Variants in ARHGAP28 observed in about 807,000 individuals in gnomAD.
ARHGAP28 encodes rho GTPase-activating protein 28.
Under a neutral mutation model 90.7 loss-of-function variants are expected in ARHGAP28, and 56 were observed. The observed-to-expected ratio is 0.62, with a 90% CI of 0.50 to 0.77. ARHGAP28 has a LOEUF of 0.77. Among genes scored for constraint, ARHGAP28 ranks in the 30% least tolerant of loss-of-function variants. The pLI is 0.00. For synonymous variants in ARHGAP28, 308 were observed against 323.3 expected (o/e 0.95, Z 0.51); for missense variants, 869 against 900.9 (o/e 0.96, Z 0.45).
At chr18:6,864,895 G>A (rs1298739487) in intron 5 of ARHGAP28, among the ~76,000 whole-genome samples, 1 of 151,954 alleles carries the variant, frequency 6.6e-6, no homozygotes, top group Non-Finnish European at 1.5e-5. Flanking sequence ...ATATTGCCCA[G>A]GCAGAACTTT....
chr18:6,888,198 TTC>T (rs1294747824), intron 12 of ARHGAP28, among the ~76,000 whole-genome samples: 1 of 152,236 alleles, frequency 6.6e-6, no homozygotes, highest in Non-Finnish European at 1.5e-5. Flanking sequence ...TCCCCAATTT[TTC>T]TCTCTTTATT....
rs374482561 is a variant in ARHGAP28, at chr18:6,730,219, G to GTATATATA, written c.122+277_122+278insATATATAT. The GTATATATA allele has an allele frequency of 1.9e-3, 301 of 158,782 alleles. 20 individuals are homozygous for GTATATATA. Among genetic ancestry groups the GTATATATA allele is most frequent in the African/African-American group, 8.5e-3 (261 of 30,848 alleles). 9.8% of individuals were successfully genotyped at this position (158,782 alleles called of 1,614,324 possible). ...TTGATACGATTTGAGGATAAGTCATGTGTATATATATATATATACCTCATT... is the reference window on the plus strand; with the variant it reads ...TTGATACGATTTGAGGATAAGTCATGTATATATATGTATATATATATATATACCTCATT... On this transcript the variant is annotated intron_variant, in intron 1 of 17. Coordinates refer to ENST00000383472, the MANE Select transcript of ARHGAP28 (RefSeq NM_001366230.1).
intron 16 of ARHGAP28, among the ~76,000 whole-genome samples, chr18:6,899,548 G>T (rs145190797): frequency 1.3e-3 from 192 of 152,126 alleles, no homozygotes; most frequent in African/African-American, 4.5e-3. Context: ...GAAAAAACAC[G>T]CCACCACCCC....
At position 6,870,797 on chromosome 18, in the gene ARHGAP28, T is replaced by G. The variant is rs544811116; in HGVS notation, c.954+65T>G. The G allele has an allele frequency of 3.6e-5, 54 of 1,505,410 alleles. 1 individual carries two copies. The African/African-American group carries it at 6.5e-4, about 18-fold the overall frequency. 93.3% of individuals were successfully genotyped at this position (1,505,410 alleles called of 1,614,324 possible). On this transcript the variant is annotated intron_variant, in intron 7 of 17. Transcript: ENST00000383472. ...TGACTTCATAGGACAAAACTAAGAT[T>G]TCTTTTTCTTTTTTTTTTTTGAGAC...
At chr18:6,894,468 G>A (rs1284258433) in intron 14 of ARHGAP28, among the ~76,000 whole-genome samples, 1 of 152,144 alleles carries the variant, frequency 6.6e-6, no homozygotes, top group Non-Finnish European at 1.5e-5. Context: ...ACAAATCATG[G>A]GGATTATTTT....
At chr18:6,900,147 G>A (rs896725003) in intron 16 of ARHGAP28, among the ~76,000 whole-genome samples, 1 of 152,102 alleles carries the variant, frequency 6.6e-6, no homozygotes, top group African/African-American at 2.4e-5. Flanking sequence ...GCAAGAAGCT[G>A]AACATACTTG....
chr18:6,790,166 C>A (rs2143549193), intron 1 of ARHGAP28: 1 of 152,202 alleles, frequency 6.6e-6, no homozygotes, highest in Non-Finnish European at 1.5e-5. Context: ...TGGTTGTTCC[C>A]AAATTTTCAT....
At chr18:6,788,166 C>A (rs544398937) in intron 1 of ARHGAP28, among the ~76,000 whole-genome samples, 96 of 152,172 alleles carry the variant, frequency 6.3e-4, no homozygotes, top group African/African-American at 1.9e-3. Context: ...AGTTTAGCAC[C>A]ACCTACCCTT....
At chr18:6,780,242 G>A (rs1187133050) in intron 1 of ARHGAP28, among the ~76,000 whole-genome samples, 1 of 152,116 alleles carries the variant, frequency 6.6e-6, no homozygotes, top group African/African-American at 2.4e-5. Flanking sequence ...TCAGCCCTTG[G>A]TATCTACAGG....
At chr18:6,853,562 TC>T (rs2143291772) in intron 4 of ARHGAP28, among the ~76,000 whole-genome samples, 1 of 151,884 alleles carries the variant, frequency 6.6e-6, no homozygotes, top group East Asian at 1.9e-4. Flanking sequence ...AACCTCCGCC[TC>T]CTGAGTTCAA....
intron 3 of ARHGAP28, 99 bp downstream of exon 3, chr18:6,837,513 G>A: frequency 1.1e-6 from 1 of 899,832 alleles, no homozygotes; most frequent in Non-Finnish European, 1.7e-6. Flanking sequence ...ATGTCTGCTT[G>A]GGTGGTTCCA....
chr18:6,787,697 A>G (rs2056376460), intron 1 of ARHGAP28, among the ~76,000 whole-genome samples: 1 of 152,194 alleles, frequency 6.6e-6, no homozygotes. Context: ...AGGTGTCCCC[A>G]TGGGTGTTTT....
intron 16 of ARHGAP28, chr18:6,898,562 C>T (rs1431321338): frequency 1.2e-6 from 2 of 1,612,980 alleles, no homozygotes; most frequent in Non-Finnish European, 1.7e-6. Flanking sequence ...TTGGCCTGGA[C>T]ATCTCCACAT....
chr18:6,825,226 G>C lies in ARHGAP28; in HGVS notation c.325+262G>C, dbSNP rs1245365148. Among the ~76,000 whole-genome samples, 3 of 152,124 alleles carry C rather than the reference G, an allele frequency of 2.0e-5. No individual in the cohort carries two copies. In the East Asian group the frequency reaches 5.8e-4, roughly 29 times the overall value. The stretch of plus-strand genomic sequence containing the variant: ...GATGCCTTATATACTGCTACTTAGG[G>C]ATGCTGTGCCTGTCTATTGGTTTGA... On this transcript the variant is annotated intron_variant, in intron 2 of 17. Transcript: ENST00000383472.
chr18:6,893,662 ATC>A (rs1249529373), intron 14 of ARHGAP28, among the ~76,000 whole-genome samples: 3 of 152,110 alleles, frequency 2.0e-5, no homozygotes, highest in Non-Finnish European at 4.4e-5. Flanking sequence ...ATAATGATCT[ATC>A]TGTTTCATAG....
At chr18:6,791,834 T>C (rs1459719707) in intron 1 of ARHGAP28, among the ~76,000 whole-genome samples, 2 of 151,906 alleles carry the variant, frequency 1.3e-5, no homozygotes, top group African/African-American at 4.8e-5. Context: ...TTTTTTAATT[T>C]GTGGGTTTTT....
intron 4 of ARHGAP28, among the ~76,000 whole-genome samples, chr18:6,855,106 G>C (rs986098954): frequency 1.3e-5 from 2 of 152,222 alleles, no homozygotes; most frequent in African/African-American, 4.8e-5. Context: ...TGGGCACTGC[G>C]GATGGCATGT....
At chr18:6,775,745 A>G (rs1020191967) in intron 1 of ARHGAP28, among the ~76,000 whole-genome samples, 1 of 152,208 alleles carries the variant, frequency 6.6e-6, no homozygotes, top group African/African-American at 2.4e-5. Context: ...ATTGTTTCAC[A>G]TTCTATGGTT....
chr18:6,797,124 A>G (rs575962916), intron 1 of ARHGAP28, among the ~76,000 whole-genome samples: 57 of 152,320 alleles, frequency 3.7e-4, no homozygotes, highest in African/African-American at 1.3e-3. Context: ...GGTGTTATAT[A>G]ACGTTAACTT....
Sources: gnomAD v4.1 joint callset for allele counts (sites outside exome capture counted in the v4.1 genomes callset) on GRCh38, gnomAD v4.1.1 for gene constraint, MANE v1.5 for transcripts, NCBI Gene and HGNC (gene_info 2026-07-23, HGNC 2026-07-21) for gene names.